OR9Q1: variants seen among roughly 807,000 people sequenced by gnomAD.
OR9Q1 encodes the protein olfactory receptor family 9 subfamily Q member 1.
For synonymous variants in OR9Q1, 153 were observed against 148.6 expected (o/e 1.03, Z -0.22); for missense variants, 374 against 378.8 (o/e 0.99, Z 0.11).
intron 2 of OR9Q1, among the ~76,000 whole-genome samples, chr11:58,160,729 T>C (rs1854449349): frequency 6.6e-6 from 1 of 152,160 alleles, no homozygotes. Context: ...CTTCTTTGAA[T>C]ATGTGAAGTT....
intron 2 of OR9Q1, among the ~76,000 whole-genome samples, chr11:58,174,571 A>C (rs538522607): frequency 6.6e-6 from 1 of 151,340 alleles, no homozygotes; most frequent in Admixed American, 6.6e-5. Context: ...ATCTTCAAAA[A>C]ATTTTCTAGT....
At chr11:58,148,454 A>G (rs577776076) in intron 2 of OR9Q1, among the ~76,000 whole-genome samples, 2 of 152,292 alleles carry the variant, frequency 1.3e-5, no homozygotes, top group Admixed American at 1.3e-4. Context: ...TACTTACCAG[A>G]TTTCTTTTTT....
At chr11:58,169,957 T>G (rs140057804) in intron 2 of OR9Q1, among the ~76,000 whole-genome samples, 1 of 152,270 alleles carries the variant, frequency 6.6e-6, no homozygotes, top group Non-Finnish European at 1.5e-5. Flanking sequence ...GCATTCTCTT[T>G]TTATGGCCCT....
chr11:58,161,347 C>G (rs1407003796), intron 2 of OR9Q1, among the ~76,000 whole-genome samples: 2 of 151,704 alleles, frequency 1.3e-5, no homozygotes, highest in African/African-American at 4.8e-5. Flanking sequence ...GTAGAAGGCT[C>G]TGATCTTCAG....
intron 2 of OR9Q1, among the ~76,000 whole-genome samples, chr11:58,128,760 A>G (rs1442252998): frequency 6.6e-6 from 1 of 152,226 alleles, no homozygotes; most frequent in African/African-American, 2.4e-5. Context: ...ATGTGTCTAC[A>G]TAAAATGTTA....
At chr11:58,079,921 G>A (rs963308248) in intron 2 of OR9Q1, among the ~76,000 whole-genome samples, 2 of 152,176 alleles carry the variant, frequency 1.3e-5, no homozygotes, top group African/African-American at 4.8e-5. Context: ...AGAATAGTGA[G>A]TTAAGTGAAT....
At chr11:58,169,840 C>T (rs1029544630) in intron 2 of OR9Q1, among the ~76,000 whole-genome samples, 4 of 152,000 alleles carry the variant, frequency 2.6e-5, no homozygotes, top group Middle Eastern at 3.4e-3. Context: ...AGAAAGAAAG[C>T]TGTTTTTTTT....
At position 58,169,244 on chromosome 11, in the gene OR9Q1, C is replaced by A. The variant is rs150603589; in HGVS notation, c.-14-10187C>A. ...CCTCTCTAGAAACATGTAATGGATT[C>A]TTTTAATCCTTGAGTCCAGAAGTAT... On this transcript the variant is annotated intron_variant, in intron 2 of 2. Transcript: ENST00000335397. Among the ~76,000 whole-genome samples, 277 of 152,164 alleles carry A rather than the reference C, an allele frequency of 1.8e-3. 1 individual carries two copies. The highest frequency in any genetic ancestry group is 6.1e-3 in the African/African-American group (255 of 41,532).
At chr11:58,030,966 C>G (rs757637466) in intron 1 of OR9Q1, 3 of 1,612,802 alleles carry the variant, frequency 1.9e-6, no homozygotes, top group Non-Finnish European at 2.5e-6. Flanking sequence ...CAACCATATA[C>G]CAAAAACTGG....
rs554187388 is a variant in OR9Q1 at position 58,037,520 on chromosome 11, T to C, written c.-93+13416T>C. Among the ~76,000 whole-genome samples the C allele has an allele frequency of 1.0e-3, 151 of 151,156 alleles. 1 individual carries two copies. Among genetic ancestry groups the C allele is most frequent in the African/African-American group, 3.4e-3 (140 of 41,124 alleles). On this transcript the variant is annotated intron_variant, in intron 1 of 2. Transcript: ENST00000335397. ...AAGCAAAACATACTGGGTTATGTAG[T>C]TTTCATTTATTGTAGCAGAAAAAAT... is the stretch of plus-strand genomic sequence containing the variant.
At chr11:58,169,373 A>G (rs1418286564) in intron 2 of OR9Q1, among the ~76,000 whole-genome samples, 1 of 152,060 alleles carries the variant, frequency 6.6e-6, no homozygotes, top group African/African-American at 2.4e-5. Flanking sequence ...TTCTTTTTAA[A>G]TATTATCATC....
intron 2 of OR9Q1, among the ~76,000 whole-genome samples, chr11:58,108,504 G>A (rs1374172765): frequency 6.6e-6 from 1 of 152,088 alleles, no homozygotes; most frequent in Non-Finnish European, 1.5e-5. Flanking sequence ...AGGAGAGAGC[G>A]GGGAAGAAAA....
At chr11:58,123,066 T>C (rs1352707695) in intron 2 of OR9Q1, among the ~76,000 whole-genome samples, 1 of 152,162 alleles carries the variant, frequency 6.6e-6, no homozygotes, top group Non-Finnish European at 1.5e-5. Flanking sequence ...TATTATTTAA[T>C]TCTGAAAGCA....
At chr11:58,138,842 G>A (rs1482158639) in intron 2 of OR9Q1, among the ~76,000 whole-genome samples, 1 of 152,134 alleles carries the variant, frequency 6.6e-6, no homozygotes, top group African/African-American at 2.4e-5. Flanking sequence ...TAGTCACCAT[G>A]CTGTACCATA....
chr11:58,110,987 A>C (rs923737310), intron 2 of OR9Q1, among the ~76,000 whole-genome samples: 6 of 152,094 alleles, frequency 3.9e-5, no homozygotes, highest in African/African-American at 1.4e-4. Flanking sequence ...CAGTCACAGA[A>C]CTTCCACAGA....
intron 2 of OR9Q1, among the ~76,000 whole-genome samples, chr11:58,134,981 C>T (rs887345888): frequency 6.6e-6 from 1 of 152,140 alleles, no homozygotes; most frequent in Non-Finnish European, 1.5e-5. Flanking sequence ...CACATCTTCC[C>T]TATGTGCAAC....
At chr11:58,125,659 C>T (rs1202026233) in intron 2 of OR9Q1, 2 of 152,178 alleles carry the variant, frequency 1.3e-5, no homozygotes, top group Non-Finnish European at 2.9e-5. Flanking sequence ...AATCATGAAT[C>T]AGGACCTGGG....
At chr11:58,111,430 G>A (rs1853898017) in intron 2 of OR9Q1, among the ~76,000 whole-genome samples, 1 of 152,184 alleles carries the variant, frequency 6.6e-6, no homozygotes, top group Admixed American at 6.5e-5. Flanking sequence ...AACCTTCTCT[G>A]CTTTCTCATG....
At chr11:58,111,176 T>C (rs1165127966) in intron 2 of OR9Q1, among the ~76,000 whole-genome samples, 1 of 152,292 alleles carries the variant, frequency 6.6e-6, no homozygotes, top group African/African-American at 2.4e-5. Flanking sequence ...AGTGTTAGCA[T>C]GGGCAAGGAC....
Sources: gnomAD v4.1 joint callset for allele counts (sites outside exome capture counted in the v4.1 genomes callset) on GRCh38, gnomAD v4.1.1 for gene constraint, MANE v1.5 for transcripts, NCBI Gene and HGNC (gene_info 2026-07-23, HGNC 2026-07-21) for gene names.